Variants in ARHGAP15 observed in about 807,000 individuals in gnomAD.
ARHGAP15 encodes Rho GTPase activating protein 15, also known as rho GTPase-activating protein 15.
A neutral mutation model predicts 63.7 loss-of-function variants in ARHGAP15; 51 were observed. The observed-to-expected ratio is 0.80, with a 90% confidence interval of 0.64 to 1.01. ARHGAP15 has a LOEUF of 1.01. ARHGAP15 is among the 50% of genes least tolerant of loss of function. The pLI, the probability that ARHGAP15 is intolerant of heterozygous loss-of-function variation, is 0.00. For synonymous variants in ARHGAP15, 191 were observed against 193.8 expected (o/e 0.99, Z 0.12); for missense variants, 560 against 564.6 (o/e 0.99, Z 0.08).
chr2:143,643,414 C>T (rs1165868715), intron 12 of ARHGAP15, among the ~76,000 whole-genome samples: 2 of 104,740 alleles, frequency 1.9e-5, no homozygotes, highest in African/African-American at 5.8e-5. Flanking sequence ...TGTGTGACAC[C>T]TCCCCTCCAC....
chr2:143,397,148 T>C (rs1256083837), intron 6 of ARHGAP15, among the ~76,000 whole-genome samples: 1 of 152,128 alleles, frequency 6.6e-6, no homozygotes, highest in Non-Finnish European at 1.5e-5. Context: ...TCCAGATTCA[T>C]GGCAAGAGAA....
At chr2:143,571,841 T>G (rs1056017330) in intron 11 of ARHGAP15, 1 of 152,162 alleles carries the variant, frequency 6.6e-6, no homozygotes, top group Non-Finnish European at 1.5e-5. Flanking sequence ...CCATCAGTCC[T>G]GGGGGCTGGA....
intron 12 of ARHGAP15, among the ~76,000 whole-genome samples, chr2:143,674,452 A>G (rs1264599596): frequency 6.6e-6 from 1 of 152,210 alleles, no homozygotes; most frequent in Non-Finnish European, 1.5e-5. Flanking sequence ...AATCAGAACA[A>G]TAGTTGCATA....
At chr2:143,750,650 A>G (rs952576415) in intron 13 of ARHGAP15, among the ~76,000 whole-genome samples, 7 of 152,286 alleles carry the variant, frequency 4.6e-5, no homozygotes, top group Non-Finnish European at 7.4e-5. Flanking sequence ...CCAGATCAAG[A>G]GCAATGGTTC....
intron 6 of ARHGAP15, among the ~76,000 whole-genome samples, chr2:143,409,825 T>A (rs921695070): frequency 2.0e-5 from 3 of 152,124 alleles, no homozygotes; most frequent in Non-Finnish European, 4.4e-5. Flanking sequence ...TGTGGTAGGC[T>A]ATACCATCTA....
intron 8 of ARHGAP15, among the ~76,000 whole-genome samples, chr2:143,449,723 G>T (rs1690312271): frequency 6.6e-6 from 1 of 152,032 alleles, no homozygotes; most frequent in African/African-American, 2.4e-5. Flanking sequence ...TCAAAATAAA[G>T]TCTGATTAAC....
chr2:143,294,520 C>T (rs1483879209), intron 6 of ARHGAP15, among the ~76,000 whole-genome samples: 2 of 152,046 alleles, frequency 1.3e-5, no homozygotes, highest in Non-Finnish European at 2.9e-5. Context: ...TGACTCTTCC[C>T]ATGTGATGGA....
chr2:143,627,830 T>C (rs930698343), intron 12 of ARHGAP15, among the ~76,000 whole-genome samples: 1 of 152,114 alleles, frequency 6.6e-6, no homozygotes, highest in Non-Finnish European at 1.5e-5. Context: ...GTGGGGTTTT[T>C]TTTCGACTTT....
intron 9 of ARHGAP15, among the ~76,000 whole-genome samples, chr2:143,511,568 TTTTGTTTG>T (rs35790368): frequency 4.6e-5 from 7 of 150,562 alleles, no homozygotes; most frequent in East Asian, 4.0e-4. Flanking sequence ...AAGTGTTCTT[TTTTGTTTG>T]TTTGTTTGTT....
chr2:143,219,089 T>A (rs1692884339), intron 4 of ARHGAP15, among the ~76,000 whole-genome samples: 2 of 152,354 alleles, frequency 1.3e-5, no homozygotes, highest in Admixed American at 1.3e-4. Flanking sequence ...CGTTTATGTG[T>A]AGTCATGTGC....
intron 6 of ARHGAP15, among the ~76,000 whole-genome samples, chr2:143,326,609 A>T (rs1194214309): frequency 6.6e-6 from 1 of 152,212 alleles, no homozygotes; most frequent in Non-Finnish European, 1.5e-5. Flanking sequence ...GAGTTACTGT[A>T]CATGCCACTC....
intron 11 of ARHGAP15, among the ~76,000 whole-genome samples, chr2:143,557,901 T>G (rs1444603365): frequency 1.3e-5 from 2 of 152,118 alleles, no homozygotes; most frequent in Non-Finnish European, 2.9e-5. Flanking sequence ...ATCATACAGA[T>G]GGGGTAGAAC....
At chr2:143,672,496 C>A (rs138898659) in intron 12 of ARHGAP15, among the ~76,000 whole-genome samples, 201 of 152,254 alleles carry the variant, frequency 1.3e-3, no homozygotes, top group African/African-American at 4.6e-3. Context: ...TTTTGTGATA[C>A]ATTTTATCAC....
At chr2:143,495,310 C>T (rs899286447) in intron 9 of ARHGAP15, among the ~76,000 whole-genome samples, 5 of 152,152 alleles carry the variant, frequency 3.3e-5, no homozygotes, top group Admixed American at 2.0e-4. Flanking sequence ...GCTTAAAGCT[C>T]GAGAAATCAT....
intron 8 of ARHGAP15, among the ~76,000 whole-genome samples, chr2:143,484,328 T>A (rs1467470655): frequency 6.9e-6 from 1 of 145,290 alleles, no homozygotes; most frequent in Non-Finnish European, 1.5e-5. Context: ...ATCGCACCAC[T>A]GCACTCCAGC....
chr2:143,631,206 ATTTGTTC>A (rs2105254754), intron 12 of ARHGAP15, among the ~76,000 whole-genome samples: 1 of 152,170 alleles, frequency 6.6e-6, no homozygotes, highest in East Asian at 1.9e-4. Flanking sequence ...AGATAACACA[ATTTGTTC>A]AGTTGTTTAT....
intron 8 of ARHGAP15, among the ~76,000 whole-genome samples, chr2:143,467,117 A>G (rs1305348460): frequency 6.6e-6 from 1 of 152,098 alleles, no homozygotes; most frequent in Admixed American, 6.6e-5. Flanking sequence ...ACTCTTAAGC[A>G]TAGTTTTCCT....
intron 4 of ARHGAP15, among the ~76,000 whole-genome samples, chr2:143,223,264 G>A (rs1693069517): frequency 1.3e-5 from 2 of 152,096 alleles, no homozygotes; most frequent in Admixed American, 6.5e-5. Context: ...GTGAGCCACC[G>A]CACCTGGCCC....
rs72995613 is a variant in ARHGAP15 at position 143,360,361 on chromosome 2, G to C, written c.475-75240G>C. Among the ~76,000 whole-genome samples, 1,058 of 152,146 alleles carry C rather than the reference G, an allele frequency of 7.0e-3. 13 individuals carry two copies. The highest frequency in any genetic ancestry group is 0.022 in the African/African-American group (913 of 41,490). ...GATTGTGCCACTGCAATCGCGCCTG[G>C]GTGGTGGAGAAAGACCTCATCTCAA... is the stretch of plus-strand genomic sequence containing the variant. On this transcript the variant is annotated intron_variant, in intron 6 of 13. Coordinates refer to ENST00000295095, the MANE Select transcript of ARHGAP15 (RefSeq NM_018460.4).
Sources: gnomAD v4.1 joint callset for allele counts (sites outside exome capture counted in the v4.1 genomes callset) on GRCh38, gnomAD v4.1.1 for gene constraint, MANE v1.5 for transcripts, NCBI Gene and HGNC (gene_info 2026-07-23, HGNC 2026-07-21) for gene names.